DCC: variants seen among roughly 807,000 people sequenced by gnomAD.
The protein encoded by DCC is DCC netrin 1 receptor.
Under a neutral mutation model 172.5 loss-of-function variants are expected in DCC, and 58 were observed. The ratio of observed to expected loss-of-function variants is 0.34; its 90% confidence interval spans 0.27 to 0.42. The LOEUF (loss-of-function observed/expected upper bound fraction) is 0.42, where lower values mean the gene tolerates loss of function less well. Ranked by LOEUF, DCC falls within the 10% of genes least tolerant of loss-of-function variation. The pLI is 1.00. For synonymous variants in DCC, 709 were observed against 644.5 expected, an observed-to-expected ratio of 1.10 and a Z score of -1.52; for missense variants, 1,740 against 1,791.0, an observed-to-expected ratio of 0.97 and a Z score of 0.51.
intron 1 of DCC, among the ~76,000 whole-genome samples, chr18:52,640,996 T>G (rs998617261): frequency 4.6e-5 from 7 of 151,970 alleles, no homozygotes; most frequent in Admixed American, 4.6e-4. Flanking sequence ...CAAAACAGCA[T>G]GGTACTGGCA....
intron 1 of DCC, among the ~76,000 whole-genome samples, chr18:52,686,894 A>G (rs2035845720): frequency 6.6e-6 from 1 of 152,062 alleles, no homozygotes; most frequent in Non-Finnish European, 1.5e-5. Context: ...GCATGAAAAC[A>G]TGGGCTGATC....
intron 9 of DCC, among the ~76,000 whole-genome samples, chr18:53,182,163 G>C (rs181766778): frequency 5.8e-4 from 89 of 152,302 alleles, no homozygotes; most frequent in Non-Finnish European, 9.1e-4. Context: ...CTGATTGTTG[G>C]TATTGTTGTC....
chr18:53,499,177 G>A, intron 26 of DCC, 121 bp from the exon 27 acceptor site: 1 of 941,698 alleles, frequency 1.1e-6, no homozygotes, highest in Non-Finnish European at 1.7e-6. Context: ...TCATAACTTG[G>A]AGAAGAGACT....
intron 2 of DCC, among the ~76,000 whole-genome samples, chr18:52,853,282 C>T (rs1017868149): frequency 6.6e-6 from 1 of 152,120 alleles, no homozygotes; most frequent in African/African-American, 2.4e-5. Context: ...TTCTGTAAGC[C>T]ATTTCAAATG....
At chr18:52,598,861 A>G (rs1386296617) in intron 1 of DCC, among the ~76,000 whole-genome samples, 1 of 152,138 alleles carries the variant, frequency 6.6e-6, no homozygotes, top group Non-Finnish European at 1.5e-5. Context: ...TGCTTCCAAG[A>G]TGGCGCCTCA....
chr18:53,153,836 A>G (rs1336298686), intron 7 of DCC, among the ~76,000 whole-genome samples: 1 of 152,122 alleles, frequency 6.6e-6, no homozygotes, highest in African/African-American at 2.4e-5. Context: ...CATGAGGAGA[A>G]CATACTTAAT....
chr18:53,470,319 C>T (rs2045680102), intron 25 of DCC, among the ~76,000 whole-genome samples: 1 of 152,142 alleles, frequency 6.6e-6, no homozygotes, highest in African/African-American at 2.4e-5. Flanking sequence ...TCCTCATCAC[C>T]ATCTGAGGAC....
chr18:53,461,331 G>T (rs2045557143), intron 24 of DCC, among the ~76,000 whole-genome samples: 1 of 151,610 alleles, frequency 6.6e-6, no homozygotes, highest in African/African-American at 2.4e-5. Context: ...ATTGCTTTTG[G>T]TGTTTTAGAC....
chr18:52,638,129 C>A (rs536490025), intron 1 of DCC, among the ~76,000 whole-genome samples: 2 of 152,094 alleles, frequency 1.3e-5, no homozygotes, highest in Non-Finnish European at 2.9e-5. Flanking sequence ...GGAGAATTTG[C>A]CATTACCAAG....
chr18:53,059,267 G>T (rs929049852), intron 5 of DCC, among the ~76,000 whole-genome samples: 1 of 152,076 alleles, frequency 6.6e-6, no homozygotes, highest in Non-Finnish European at 1.5e-5. Flanking sequence ...TGAGATTTGG[G>T]TGGAGACGTA....
At chr18:52,730,314 C>T (rs2036618527) in intron 1 of DCC, among the ~76,000 whole-genome samples, 1 of 152,072 alleles carries the variant, frequency 6.6e-6, no homozygotes, top group Non-Finnish European at 1.5e-5. Context: ...CAGGTCAGCT[C>T]CCCACAACAA....
At chr18:52,629,743 G>A (rs1430156019) in intron 1 of DCC, among the ~76,000 whole-genome samples, 5 of 152,138 alleles carry the variant, frequency 3.3e-5, no homozygotes, top group African/African-American at 4.8e-5. Context: ...GAGGTCAGGC[G>A]ATCGAGACCA....
At chr18:52,595,534 C>A (rs1056655955) in intron 1 of DCC, among the ~76,000 whole-genome samples, 1 of 152,136 alleles carries the variant, frequency 6.6e-6, no homozygotes, top group East Asian at 1.9e-4. Context: ...GAAATACATT[C>A]TTCCCTCATT....
At chr18:52,928,387 T>C (rs2040251989) in intron 5 of DCC, among the ~76,000 whole-genome samples, 1 of 152,118 alleles carries the variant, frequency 6.6e-6, no homozygotes, top group South Asian at 2.1e-4. Flanking sequence ...CCCAGTGAGA[T>C]GCAACTTATC....
At chr18:52,636,083 G>A (rs1044558750) in intron 1 of DCC, among the ~76,000 whole-genome samples, 23 of 152,304 alleles carry the variant, frequency 1.5e-4, no homozygotes, top group African/African-American at 5.3e-4. Flanking sequence ...CCTAACTGGA[G>A]AAGCTGAAGT....
intron 7 of DCC, among the ~76,000 whole-genome samples, chr18:53,141,928 G>T (rs984999065): frequency 5.9e-5 from 9 of 152,150 alleles, no homozygotes; most frequent in African/African-American, 1.9e-4. Flanking sequence ...ATGTCCATAT[G>T]CTCATATGCT....
chr18:53,310,991 G>GACAC (rs5825008), intron 13 of DCC, among the ~76,000 whole-genome samples: 392 of 145,784 alleles, frequency 2.7e-3, no homozygotes, highest in African/African-American at 8.2e-3. Flanking sequence ...AAGCATCTAG[G>GACAC]ACACACACAC....
At chr18:53,095,157 TG>T (rs1460431028) in intron 7 of DCC, among the ~76,000 whole-genome samples, 2 of 152,212 alleles carry the variant, frequency 1.3e-5, no homozygotes, top group Non-Finnish European at 2.9e-5. Flanking sequence ...TTTTCTGCTT[TG>T]CAGTCTTTTT....
intron 1 of DCC, among the ~76,000 whole-genome samples, chr18:52,599,130 C>T (rs1404410422): frequency 6.6e-6 from 1 of 152,040 alleles, no homozygotes; most frequent in Admixed American, 6.6e-5. Flanking sequence ...GTGATTAGGG[C>T]ATTAGAGGAG....
Sources: allele counts gnomAD v4.1 joint callset (sites outside exome capture counted in the v4.1 genomes callset), GRCh38; gene constraint gnomAD v4.1.1; transcripts MANE v1.5; gene names NCBI Gene and HGNC (gene_info 2026-07-23, HGNC 2026-07-21).